MEGF11: variants seen among roughly 807,000 people sequenced by gnomAD.
MEGF11 encodes multiple EGF like domains 11, also known as multiple epidermal growth factor-like domains protein 11.
MEGF11 carries 126 observed loss-of-function variants against 146.6 expected under a neutral mutation model. The ratio of observed to expected loss-of-function variants is 0.86; its 90% confidence interval spans 0.74 to 1.00. The LOEUF (loss-of-function observed/expected upper bound fraction) is 1.00. Ranked by LOEUF, MEGF11 falls within the 50% of genes least tolerant of loss-of-function variation. The pLI is 0.00. For missense variants in MEGF11, 1,509 were observed against 1,521.2 expected, an observed-to-expected ratio of 0.99 and a Z score of 0.13; for synonymous variants, 532 against 583.4, an observed-to-expected ratio of 0.91 and a Z score of 1.27.
intron 1 of MEGF11, among the ~76,000 whole-genome samples, chr15:66,147,804 T>C (rs988684144): frequency 1.3e-5 from 2 of 152,226 alleles, no homozygotes; most frequent in Non-Finnish European, 2.9e-5. Flanking sequence ...TGGGCAGCCA[T>C]TCAAAGGTTT....
At chr15:66,170,484 C>T (rs1011029463) in intron 1 of MEGF11, among the ~76,000 whole-genome samples, 9 of 152,334 alleles carry the variant, frequency 5.9e-5, no homozygotes, top group East Asian at 5.8e-4. Context: ...TCAGTAGCTG[C>T]GATGGGTTCA....
chr15:66,245,827 T>TC (rs945389458), intron 1 of MEGF11, among the ~76,000 whole-genome samples: 1 of 151,978 alleles, frequency 6.6e-6, no homozygotes, highest in East Asian at 1.9e-4. Flanking sequence ...AAGACACATG[T>TC]CCCCCCATAC....
At chr15:66,208,700 G>A (rs2091363041) in intron 1 of MEGF11, among the ~76,000 whole-genome samples, 1 of 151,982 alleles carries the variant, frequency 6.6e-6, no homozygotes, top group Admixed American at 6.6e-5. Flanking sequence ...TGGCCAACAT[G>A]GCGAAACCCC....
chr15:66,190,330 G>A (rs2090835481), intron 1 of MEGF11, among the ~76,000 whole-genome samples: 1 of 152,116 alleles, frequency 6.6e-6, no homozygotes, highest in South Asian at 2.1e-4. Flanking sequence ...TCAAACTCCT[G>A]GCCTCAAGCG....
chr15:65,937,115 G>A lies in MEGF11; in HGVS notation c.1288-6172C>T, dbSNP rs576082279. Among the ~76,000 whole-genome samples, 374 of 152,348 alleles carry A rather than the reference G, an allele frequency of 2.5e-3. 5 individuals carry two copies. The South Asian group carries it at 0.033, about 13-fold the overall frequency. On this transcript the variant is annotated intron_variant, in intron 10 of 25. Coordinates refer to ENST00000395614, the MANE Select transcript of MEGF11 (RefSeq NM_001385028.1). ...ATCCACTATGAGCCAAAGTGGGCCC[G>A]CAAGGCAGAGCTGGGACTTGCAGGC...
intron 1 of MEGF11, among the ~76,000 whole-genome samples, chr15:66,138,906 G>A (rs1034888364): frequency 2.0e-5 from 3 of 152,188 alleles, no homozygotes; most frequent in Admixed American, 1.3e-4. Context: ...AGATACTACT[G>A]GGGGTGCACA....
intron 5 of MEGF11, among the ~76,000 whole-genome samples, chr15:66,089,813 A>G (rs548950823): frequency 6.6e-6 from 1 of 152,354 alleles, no homozygotes; most frequent in South Asian, 2.1e-4. Context: ...AAAAAGCTAG[A>G]TATTCAATAT....
intron 5 of MEGF11, among the ~76,000 whole-genome samples, chr15:65,992,452 G>T (rs542405279): frequency 0.072 from 1,682 of 23,432 alleles, 59 homozygotes; most frequent in South Asian, 0.19. Context: ...TGTGTGTGTG[G>T]GGGGGGGGGT....
chr15:66,123,838 GA>G (rs771201549), intron 3 of MEGF11, 60 bp downstream of exon 3: 11 of 1,412,548 alleles, frequency 7.8e-6, no homozygotes, highest in Non-Finnish European at 1.0e-5. Context: ...AACTTGCACA[GA>G]GGCAAGCCCT....
chr15:66,007,877 G>C (rs191854997), intron 5 of MEGF11, among the ~76,000 whole-genome samples: 66 of 152,338 alleles, frequency 4.3e-4, no homozygotes, highest in Admixed American at 2.2e-3. Context: ...GTGCTGCTAG[G>C]GGGCAGTGGT....
At chr15:66,142,770 C>A (rs2089216387) in intron 1 of MEGF11, among the ~76,000 whole-genome samples, 1 of 152,224 alleles carries the variant, frequency 6.6e-6, no homozygotes, top group African/African-American at 2.4e-5. Flanking sequence ...AAATGAGTCA[C>A]TGCACCTCTC....
chr15:66,151,255 C>A (rs530997185), intron 1 of MEGF11, among the ~76,000 whole-genome samples: 8 of 152,314 alleles, frequency 5.3e-5, no homozygotes, highest in Non-Finnish European at 7.3e-5. Context: ...CCTCCCTAGA[C>A]CAGAAGGGAG....
intron 5 of MEGF11, among the ~76,000 whole-genome samples, chr15:65,986,643 C>A (rs931426603): frequency 2.0e-5 from 3 of 152,078 alleles, no homozygotes; most frequent in African/African-American, 7.2e-5. Flanking sequence ...TAAAAACTAC[C>A]ATCATTATAA....
At chr15:66,085,159 T>A (rs1362629837) in intron 5 of MEGF11, among the ~76,000 whole-genome samples, 1 of 152,140 alleles carries the variant, frequency 6.6e-6, no homozygotes, top group East Asian at 1.9e-4. Context: ...TCCCCCACAG[T>A]AGCCGCAGCG....
chr15:66,076,549 G>A (rs1484213050), intron 5 of MEGF11, among the ~76,000 whole-genome samples: 2 of 152,200 alleles, frequency 1.3e-5, no homozygotes, highest in African/African-American at 4.8e-5. Context: ...CTCTGTTGCT[G>A]TGGCACTATT....
Position 66,174,427 on chromosome 15 carries a change from T to G in MEGF11, c.-8-46016A>C, listed in dbSNP as rs1405895804. On this transcript the variant is annotated intron_variant, in intron 1 of 25. Transcript: ENST00000395614. ...ATTGAGGCATGGTGTAGGGGAAACC[T>G]CTGGGCTGGGGATCAGGAGACCTGG... Among the ~76,000 whole-genome samples, 4 of 152,158 alleles carry G rather than the reference T, an allele frequency of 2.6e-5. No individual in the cohort carries two copies. In the East Asian group the frequency reaches 5.8e-4, roughly 22 times the overall value.
At chr15:66,131,407 G>C (rs952030992) in intron 1 of MEGF11, among the ~76,000 whole-genome samples, 2 of 152,270 alleles carry the variant, frequency 1.3e-5, no homozygotes, top group Non-Finnish European at 2.9e-5. Flanking sequence ...AAGTGATTAA[G>C]TCCCACTGGC....
intron 1 of MEGF11, among the ~76,000 whole-genome samples, chr15:66,232,486 C>T (rs1220479575): frequency 2.0e-5 from 3 of 152,154 alleles, no homozygotes; most frequent in Non-Finnish European, 4.4e-5. Flanking sequence ...TCTCTTTGCC[C>T]CTGGCCTGTT....
intron 1 of MEGF11, among the ~76,000 whole-genome samples, chr15:66,154,540 T>C (rs539349234): frequency 6.6e-6 from 1 of 152,248 alleles, no homozygotes; most frequent in Non-Finnish European, 1.5e-5. Context: ...CAACATTAGA[T>C]GCCTTCAACA....
Sources: allele counts gnomAD v4.1 joint callset (sites outside exome capture counted in the v4.1 genomes callset), GRCh38; gene constraint gnomAD v4.1.1; transcripts MANE v1.5; gene names NCBI Gene and HGNC (gene_info 2026-07-23, HGNC 2026-07-21).